Variants in FFAR2 observed in about 807,000 individuals in gnomAD.
FFAR2 encodes the protein G-protein coupled receptor 43.
For synonymous variants in FFAR2, 193 were observed against 189.9 expected, an observed-to-expected ratio of 1.02 and a Z score of -0.13; for missense variants, 421 against 428.9, an observed-to-expected ratio of 0.98 and a Z score of 0.16.
chr19:35,450,459 A>C lies in FFAR2; in HGVS notation c.745A>C (p.Arg249=). 6.2e-7 allele frequency: 1 copy of C among 1,614,224 alleles called. No individual in the cohort carries two copies. Among genetic ancestry groups the C allele is most frequent in the Non-Finnish European group, 8.5e-7 (1 of 1,180,044 alleles). ...GTCCCACCTGGTGGGGTATCACCAG[A>C]GAAAAAGCCCCTGGTGGCGGTCAAT... ...NVSHLVGYHQ[R]KSPWWRSIAV... Residue 249 remains arginine (R), a synonymous_variant, in exon 2 of 2, where the codon AGA becomes CGA. Coordinates refer to ENST00000599180, the MANE Select transcript of FFAR2 (RefSeq NM_001370087.1).
chr19:35,450,016 CG>C lies in FFAR2; in HGVS notation c.305del (p.Gly102AlafsTer26). On this transcript the variant is annotated frameshift_variant, in exon 2 of 2. Transcript: ENST00000599180. LOFTEE classifies it low-confidence loss of function (END_TRUNC). ...SSIYCSTWLL[A>X]GISIERYLGV... ...ATCTACTGCAGCACGTGGCTCCTGG[CG>C]GGCATCAGCATCGAGCGCTACCTGG... 6.2e-7 allele frequency: 1 copy of C among 1,614,140 alleles called. No homozygotes were observed. The highest frequency in any genetic ancestry group is 8.5e-7 in the Non-Finnish European group (1 of 1,180,020).
Position 35,450,435 on chromosome 19 carries a change from T to C in FFAR2, c.721T>C (p.Ser241Pro), listed in dbSNP as rs2067374238. 2 of 1,614,238 alleles carry C rather than the reference T, an allele frequency of 1.2e-6. No individual in the cohort carries two copies. Among genetic ancestry groups the C allele is most frequent in the Admixed American group, 1.7e-5 (1 of 60,030 alleles). Residue 241 changes from serine to proline, a missense_variant, in exon 2 of 2, where the codon TCC becomes CCC. By Grantham distance (74) the Ser-to-Pro change is moderately conservative. Coordinates refer to ENST00000599180, the MANE Select transcript of FFAR2 (RefSeq NM_001370087.1). ...FLVCFGPYNV[S>P]HLVGYHQRKS... The stretch of plus-strand genomic sequence containing the variant: ...GGTGTGCTTCGGACCTTACAACGTG[T>C]CCCACCTGGTGGGGTATCACCAGAG...
At chr19:35,449,141 G>A (rs558432759) in intron 1 of FFAR2, among the ~76,000 whole-genome samples, 1 of 152,212 alleles carries the variant, frequency 6.6e-6, no homozygotes, top group Admixed American at 6.5e-5. Flanking sequence ...AGAGTTTGGT[G>A]TTGGACAGGA....
chr19:35,450,363 C>G lies in FFAR2; in HGVS notation c.649C>G (p.Arg217Gly). 6.2e-7 allele frequency: 1 copy of G among 1,614,208 alleles called. No homozygotes were observed. The highest frequency in any genetic ancestry group is 8.5e-7 in the Non-Finnish European group (1 of 1,180,034). The change falls in exon 2 of 2, where the codon CGG (arginine) becomes GGG (glycine). Residue 217 changes from arginine to glycine, a missense_variant. Physicochemically the swap from Arg to Gly is moderately radical, Grantham distance 125. Coordinates refer to ENST00000599180, the MANE Select transcript of FFAR2 (RefSeq NM_001370087.1). ...CCAGCCCCTTGTGGGGGCCCAGAGG[C>G]GGCGCCGAGCCGTGGGGCTGGCTGT... is the stretch of plus-strand genomic sequence containing the variant. ...LSQPLVGAQR[R>G]RRAVGLAVVT...
In FFAR2 at chr19:35,450,761, T is replaced by C. The variant is rs2067377223; in HGVS notation, c.*54T>C. ...TGGGTTACACAGGAGCTGGGAAGCC[T>C]GGGAGAGGCGGAGCAGGAAGGCTCC... is the stretch of plus-strand genomic sequence containing the variant. On this transcript the variant is annotated 3_prime_UTR_variant, in exon 2 of 2. Coordinates refer to ENST00000599180, the MANE Select transcript of FFAR2 (RefSeq NM_001370087.1). 2 of 1,548,048 alleles carry C rather than the reference T, an allele frequency of 1.3e-6. No homozygotes were observed. The highest frequency in any genetic ancestry group is 1.8e-6 in the Non-Finnish European group (2 of 1,141,882).
rs1216871136 is a variant in FFAR2 at position 35,449,697 on chromosome 19, T to A, written c.-1-17T>A. On this transcript the variant is annotated splice_polypyrimidine_tract_variant and intron_variant, in intron 1 of 1. Coordinates refer to ENST00000599180, the MANE Select transcript of FFAR2 (RefSeq NM_001370087.1). ...AGTGAGACCTCCCTGACCCCGCCCT[T>A]TTTTGTTCCCCTCCAGGATGCTGCC... is the stretch of plus-strand genomic sequence containing the variant. 6.5e-7 allele frequency: 1 copy of A among 1,529,338 alleles called. No individual in the cohort carries two copies. The highest frequency in any genetic ancestry group is 1.4e-5 in the African/African-American group (1 of 72,038). The allele number at this position is 1,529,338 out of a possible 1,614,324, so 94.7% of individuals were successfully genotyped here. A position where few individuals can be genotyped will look rare whatever the true frequency, so the allele number is the denominator to read the frequency against.
intron 1 of FFAR2, among the ~76,000 whole-genome samples, chr19:35,448,968 A>G (rs1343803684): frequency 6.7e-6 from 1 of 150,256 alleles, no homozygotes; most frequent in African/African-American, 2.5e-5. Flanking sequence ...TCACCCGGCT[A>G]ATTTTTTTTT....
Position 35,449,789 on chromosome 19 carries a change from C to T in FFAR2, c.75C>T (p.Asn25=). 2 of 1,609,212 alleles carry T rather than the reference C, an allele frequency of 1.2e-6. No individual in the cohort carries two copies. Among genetic ancestry groups the T allele is most frequent in the African/African-American group, 1.3e-5 (1 of 74,842 alleles). ...TCTTCCTCACTGGCCTCCCTGCCAACCTCCTGGCCCTGCGGGCCTTTGTGG... is the reference window on the plus strand; with the variant it reads ...TCTTCCTCACTGGCCTCCCTGCCAATCTCCTGGCCCTGCGGGCCTTTGTGG... ...IIIFLTGLPA[N]LLALRAFVGR... Residue 25 remains asparagine, a synonymous_variant, in exon 2 of 2, where the codon AAC becomes AAT. Transcript: ENST00000599180.
chr19:35,449,628 G>C (rs779318608), intron 1 of FFAR2, 86 bp from the exon 2 acceptor site: 10 of 1,395,480 alleles, frequency 7.2e-6, no homozygotes, highest in Non-Finnish European at 8.8e-6. Context: ...CGGTGCCGGG[G>C]AGGATGTCCG....
At chr19:35,449,602 A>G in intron 1 of FFAR2, 112 bp from the exon 2 acceptor site, 1 of 1,143,502 alleles carries the variant, frequency 8.7e-7, no homozygotes, top group Non-Finnish European at 1.2e-6. Flanking sequence ...CAGAAAGCAC[A>G]GTCCTGGGAA....
Position 35,450,045 on chromosome 19 carries a change from G to T in FFAR2, c.331G>T (p.Val111Leu). The change falls in exon 2 of 2, where the codon GTG (valine) becomes TTG (leucine). Residue 111 changes from valine (V) to leucine (L), a missense_variant. Physicochemically the swap from Val to Leu is conservative, Grantham distance 32. Transcript: ENST00000599180. ...AGISIERYLG[V>L]AFPVQYKLSR... ...CATCAGCATCGAGCGCTACCTGGGA[G>T]TGGCTTTCCCCGTGCAGTACAAGCT... The T allele has an allele frequency of 1.2e-6, 2 of 1,614,208 alleles. No homozygotes were observed. Among genetic ancestry groups the T allele is most frequent in the Non-Finnish European group, 1.7e-6 (2 of 1,180,042 alleles).
At chr19:35,449,601 C>A in intron 1 of FFAR2, 113 bp from the exon 2 acceptor site, 1 of 1,149,310 alleles carries the variant, frequency 8.7e-7, no homozygotes, top group Non-Finnish European at 1.2e-6. Flanking sequence ...TCAGAAAGCA[C>A]AGTCCTGGGA....
rs957950453 is a variant in FFAR2, at chr19:35,449,222, T to G, written c.-1-492T>G. 3.9e-5 allele frequency among the ~76,000 whole-genome samples: 6 copies of G among 152,214 alleles called. No homozygotes were observed. In the South Asian group the frequency reaches 1.2e-3, roughly 32 times the overall value. On this transcript the variant is annotated intron_variant, in intron 1 of 1. Coordinates refer to ENST00000599180, the MANE Select transcript of FFAR2 (RefSeq NM_001370087.1). ...GGAAGTAGGAAGCTGGGCTGGTGGC[T>G]GGGCACTTGGGTCCTTTGGAGAGCT...
At position 35,450,956 on chromosome 19, in the gene FFAR2, T is replaced by C; in HGVS notation, c.*249T>C. 2.3e-6 allele frequency: 1 copy of C among 437,872 alleles called. No homozygotes were observed. Among genetic ancestry groups the C allele is most frequent in the Non-Finnish European group, 4.1e-6 (1 of 242,936 alleles). 27.1% of individuals were successfully genotyped at this position (437,872 alleles called of 1,614,324 possible). On this transcript the variant is annotated 3_prime_UTR_variant, in exon 2 of 2. Transcript: ENST00000599180. ...AGAAGCACCTGCCGGGTGTGGTGGC[T>C]CATGCCTATAATCCCAGAACTTTGG...
intron 1 of FFAR2, among the ~76,000 whole-genome samples, chr19:35,448,825 G>T (rs1211787515): frequency 6.8e-6 from 1 of 146,938 alleles, no homozygotes; most frequent in Non-Finnish European, 1.5e-5. Flanking sequence ...TTTTTTAGAC[G>T]GAGTTTTTGC....
Position 35,450,763 on chromosome 19 carries a change from G to A in FFAR2, c.*56G>A. The A allele has an allele frequency of 1.3e-6, 2 of 1,537,474 alleles. No individual in the cohort carries two copies. Among genetic ancestry groups the A allele is most frequent in the Admixed American group, 3.9e-5 (2 of 50,852 alleles). ...GGTTACACAGGAGCTGGGAAGCCTG[G>A]GAGAGGCGGAGCAGGAAGGCTCCCA... is the stretch of plus-strand genomic sequence containing the variant. On this transcript the variant is annotated 3_prime_UTR_variant, in exon 2 of 2. Coordinates refer to ENST00000599180, the MANE Select transcript of FFAR2 (RefSeq NM_001370087.1).
At chr19:35,449,163 G>C (rs537681738) in intron 1 of FFAR2, among the ~76,000 whole-genome samples, 3 of 152,112 alleles carry the variant, frequency 2.0e-5, no homozygotes, top group African/African-American at 7.2e-5. Flanking sequence ...AGGACAAGGT[G>C]GGGGAGAATC....
Position 35,451,454 on chromosome 19 carries a change from A to G in FFAR2, c.*747A>G, listed in dbSNP as rs1460423191. The G allele has an allele frequency of 1.3e-5, 2 of 152,274 alleles. No individual in the cohort carries two copies. Among genetic ancestry groups the G allele is most frequent in the Non-Finnish European group, 2.9e-5 (2 of 68,092 alleles). The allele number at this position is 152,274 out of a possible 1,614,324, so 9.4% of individuals were successfully genotyped here. ...GAAGAGAAATACTAAATGAGGTCAA[A>G]GAAGACTCAGAAAGGTTCTGAGCCT... is the stretch of plus-strand genomic sequence containing the variant. On this transcript the variant is annotated 3_prime_UTR_variant, in exon 2 of 2. Transcript: ENST00000599180.
intron 1 of FFAR2, 79 bp downstream of exon 1, chr19:35,448,458 G>C (rs2067360072): frequency 6.6e-6 from 1 of 152,352 alleles, no homozygotes; most frequent in Non-Finnish European, 1.5e-5. Flanking sequence ...TGGGAGACTG[G>C]AGGAAGGATG....
Sources: allele counts gnomAD v4.1 joint callset (sites outside exome capture counted in the v4.1 genomes callset), GRCh38; gene constraint gnomAD v4.1.1; transcripts MANE v1.5; gene names NCBI Gene and HGNC (gene_info 2026-07-23, HGNC 2026-07-21).